The following RGS6 variants were observed in gnomAD, a reference collection of about 807,000 sequenced individuals.
RGS6 encodes the protein regulator of G protein signaling 6.
In RGS6, 30 loss-of-function variants were observed where a neutral mutation model predicts 78.5. The observed-to-expected ratio is 0.38, with a 90% CI of 0.29 to 0.52. The LOEUF is 0.52. Ranked by LOEUF, RGS6 falls within the 20% of genes least tolerant of loss-of-function variation. The pLI is 0.85. For missense variants in RGS6, 495 were observed against 609.7 expected (o/e 0.81, Z 1.98); for synonymous variants, 206 against 206.0 (o/e 1.00, Z 0.00).
chr14:72,622,348 C>T, the RGS6 span, among the ~76,000 whole-genome samples: 3 of 152,082 alleles, frequency 2.0e-5, no homozygotes, highest in African/African-American at 4.8e-5. Flanking sequence ...GGGATGAAGA[C>T]GAGCACACTG....
At chr14:72,328,139 T>C (rs570244186) in intron 2 of RGS6, among the ~76,000 whole-genome samples, 102 of 152,230 alleles carry the variant, frequency 6.7e-4, no homozygotes, top group African/African-American at 2.4e-3. Context: ...CCCTCCTCCT[T>C]CTTTTTGTTC....
chr14:72,278,542 C>T (rs2061061428), intron 2 of RGS6, among the ~76,000 whole-genome samples: 1 of 152,174 alleles, frequency 6.6e-6, no homozygotes, highest in Non-Finnish European at 1.5e-5. Context: ...GATTTGATGC[C>T]TGTTTTCAGG....
chr14:72,226,763 C>T (rs150824690), intron 2 of RGS6, among the ~76,000 whole-genome samples: 14 of 152,322 alleles, frequency 9.2e-5, no homozygotes, highest in African/African-American at 2.9e-4. Context: ...AGTGCAGTGG[C>T]GCAATCTTGG....
chr14:72,495,010 A>C (rs1339940713), intron 12 of RGS6, 142 bp from the exon 13 acceptor site: 2 of 603,440 alleles, frequency 3.3e-6, no homozygotes, highest in Admixed American at 2.7e-5. Flanking sequence ...AAACAGTTTG[A>C]TGTGTCAGAA....
At chr14:72,114,737 A>G (rs371708082) in intron 2 of RGS6, among the ~76,000 whole-genome samples, 4 of 152,330 alleles carry the variant, frequency 2.6e-5, no homozygotes, top group East Asian at 3.9e-4. Flanking sequence ...GATTAGGGAG[A>G]CAGAACTGAC....
chr14:72,334,082 G>A (rs947256351), intron 2 of RGS6, among the ~76,000 whole-genome samples: 38 of 152,134 alleles, frequency 2.5e-4, no homozygotes, highest in African/African-American at 9.2e-4. Flanking sequence ...CAACACCCCC[G>A]AGTCTTCAAT....
the RGS6 span, among the ~76,000 whole-genome samples, chr14:72,614,884 C>T: frequency 6.6e-6 from 1 of 152,002 alleles, no homozygotes; most frequent in East Asian, 1.9e-4. Flanking sequence ...CCTTTTTCCA[C>T]CAGAGATCCT....
At chr14:72,205,446 G>A (rs1201682936) in intron 2 of RGS6, among the ~76,000 whole-genome samples, 1 of 152,138 alleles carries the variant, frequency 6.6e-6, no homozygotes, top group Admixed American at 6.5e-5. Context: ...TTTTCAAAAT[G>A]GTAGTATCTC....
In RGS6 at chr14:72,518,569, G is replaced by A. The variant is rs763957871; in HGVS notation, c.1278+32G>A. ...TTATCTACTCAAGTGGTTGTCATAA[G>A]GTGTTCATTTGTCCCCTTCATTGCC... is the stretch of plus-strand genomic sequence containing the variant. On this transcript the variant is annotated intron_variant, in intron 15 of 17. Coordinates refer to ENST00000553525, the MANE Select transcript of RGS6 (RefSeq NM_001204424.2). The A allele has an allele frequency of 5.6e-6, 9 of 1,599,762 alleles. No homozygotes were observed. The South Asian group carries it at 8.9e-5, about 16-fold the overall frequency.
intron 1 of RGS6, among the ~76,000 whole-genome samples, chr14:71,933,884 G>C (rs1315711240): frequency 2.0e-5 from 3 of 152,146 alleles, no homozygotes; most frequent in African/African-American, 7.2e-5. Context: ...GGGCTTGTAA[G>C]TATCAAAATG....
chr14:72,097,119 G>T (rs997403367), intron 2 of RGS6, among the ~76,000 whole-genome samples: 1 of 152,170 alleles, frequency 6.6e-6, no homozygotes, highest in Non-Finnish European at 1.5e-5. Flanking sequence ...TTCTACCTTT[G>T]TATTGTCCTT....
chr14:72,324,927 C>A (rs1360691799), intron 2 of RGS6, among the ~76,000 whole-genome samples: 2 of 152,198 alleles, frequency 1.3e-5, no homozygotes, highest in Admixed American at 1.3e-4. Flanking sequence ...TGAGGAATTA[C>A]CACACTGTCT....
chr14:72,616,062 G>A, the RGS6 span, among the ~76,000 whole-genome samples: 7 of 152,166 alleles, frequency 4.6e-5, no homozygotes, highest in African/African-American at 1.7e-4. Flanking sequence ...TAGCTACCAT[G>A]GAGTGGGGAC....
chr14:72,348,900 C>T (rs1172124281), intron 2 of RGS6, among the ~76,000 whole-genome samples: 2 of 152,226 alleles, frequency 1.3e-5, no homozygotes, highest in Non-Finnish European at 2.9e-5. Context: ...GGCGTGGTGG[C>T]TCACGCCTGT....
intron 2 of RGS6, among the ~76,000 whole-genome samples, chr14:72,240,924 C>A (rs1032869772): frequency 1.3e-5 from 2 of 151,996 alleles, no homozygotes; most frequent in African/African-American, 4.8e-5. Flanking sequence ...TTTGGGAGGC[C>A]GAGGCAGGTG....
At chr14:72,616,743 T>C in the RGS6 span, among the ~76,000 whole-genome samples, 1 of 152,200 alleles carries the variant, frequency 6.6e-6, no homozygotes, top group African/African-American at 2.4e-5. Flanking sequence ...ATCCTTCACA[T>C]GCATCCTATG....
chr14:72,136,569 C>G (rs907290652), intron 2 of RGS6, among the ~76,000 whole-genome samples: 1 of 152,026 alleles, frequency 6.6e-6, no homozygotes, highest in African/African-American at 2.4e-5. Flanking sequence ...TAAGATTTCA[C>G]GAGACTTACT....
chr14:72,472,092 C>T (rs2096092628), intron 8 of RGS6, among the ~76,000 whole-genome samples: 1 of 151,360 alleles, frequency 6.6e-6, no homozygotes, highest in Non-Finnish European at 1.5e-5. Context: ...CCCGAGAGAG[C>T]CGAGACCTAG....
At chr14:71,948,876 C>T (rs2091944917) in intron 1 of RGS6, among the ~76,000 whole-genome samples, 1 of 150,756 alleles carries the variant, frequency 6.6e-6, no homozygotes, top group Admixed American at 6.6e-5. Flanking sequence ...ATTTCTAACA[C>T]TGTAACTTTC....
Sources: allele counts gnomAD v4.1 joint callset (sites outside exome capture counted in the v4.1 genomes callset), GRCh38; gene constraint gnomAD v4.1.1; transcripts MANE v1.5; gene names NCBI Gene and HGNC (gene_info 2026-07-23, HGNC 2026-07-21).